HTATIP2: variants seen among roughly 807,000 people sequenced by gnomAD.
HTATIP2 encodes the protein HIV-1 Tat interactive protein 2.
HTATIP2 carries 26 observed loss-of-function variants against 24.7 expected under a neutral mutation model. The observed-to-expected ratio is 1.05, with a 90% CI of 0.77 to 1.46. HTATIP2 has a LOEUF of 1.46. Among genes scored for constraint, HTATIP2 ranks in the 40% most tolerant of loss-of-function variants. The probability of loss-of-function intolerance (pLI) is 0.00; values close to 1 mark genes in which losing one functional copy is unlikely to be tolerated. For missense variants in HTATIP2, 284 were observed against 289.6 expected, an observed-to-expected ratio of 0.98 and a Z score of 0.14; for synonymous variants, 99 against 113.2, an observed-to-expected ratio of 0.87 and a Z score of 0.79.
In HTATIP2 at chr11:20,383,633, T is replaced by G. The variant is rs1452027373; in HGVS notation, c.*428T>G. On this transcript the variant is annotated 3_prime_UTR_variant, in exon 5 of 5. Transcript: ENST00000451739. ...CTAAAATTGTTGACATTCATGTCTC[T>G]GAGTTACAAAAGTGCTAATTCACTA... 1 of 168,150 alleles carries G rather than the reference T, an allele frequency of 5.9e-6. No homozygotes were observed. The highest frequency in any genetic ancestry group is 2.4e-5 in the African/African-American group (1 of 41,714). The allele number at this position is 168,150 out of a possible 1,614,324, so 10.4% of individuals were successfully genotyped here.
chr11:20,378,043 G>A (rs56194144), intron 3 of HTATIP2, among the ~76,000 whole-genome samples: 11,166 of 152,178 alleles, frequency 0.073, 564 homozygotes, highest in Middle Eastern at 0.15. Flanking sequence ...CGAACACTAT[G>A]TTTTTTTAAA....
chr11:20,367,456 G>A (rs1388162480), intron 2 of HTATIP2, 175 bp downstream of exon 2: 37 of 1,476,226 alleles, frequency 2.5e-5, no homozygotes, highest in South Asian at 1.1e-4. Context: ...GTACTGATAA[G>A]TTCGTCTTTC....
chr11:20,369,944 A>C (rs1381793428), intron 2 of HTATIP2, among the ~76,000 whole-genome samples: 2 of 152,192 alleles, frequency 1.3e-5, no homozygotes, highest in Non-Finnish European at 2.9e-5. Context: ...TATTTCCTTT[A>C]ACAGTAGCTG....
At chr11:20,380,211 A>C (rs1848497741) in intron 3 of HTATIP2, among the ~76,000 whole-genome samples, 1 of 152,232 alleles carries the variant, frequency 6.6e-6, no homozygotes, top group African/African-American at 2.4e-5. Flanking sequence ...GGCATAGTAC[A>C]TGACCCTTAT....
chr11:20,366,484 T>C (rs951070173), intron 1 of HTATIP2, among the ~76,000 whole-genome samples: 4 of 152,162 alleles, frequency 2.6e-5, no homozygotes, highest in African/African-American at 9.6e-5. Flanking sequence ...AGTTCTTGGA[T>C]GATAGGAATT....
Position 20,364,103 on chromosome 11 carries a change from C to G in HTATIP2, c.-135C>G. On this transcript the variant is annotated 5_prime_UTR_variant, in exon 1 of 5. Transcript: ENST00000451739. ...GAGCCGCGCCCCGCACGTGACTCAG[C>G]ACTTTCCCCAGAGCCCGGACTGCGG... 2 of 1,428,074 alleles carry G rather than the reference C, an allele frequency of 1.4e-6. No individual in the cohort carries two copies. 88.5% of individuals were successfully genotyped at this position (1,428,074 alleles called of 1,614,324 possible).
Position 20,376,803 on chromosome 11 carries a change from A to G in HTATIP2, c.441+86A>G, listed in dbSNP as rs1157597715. The stretch of plus-strand genomic sequence containing the variant: ...AAGAATATAAAATATTATATAATAC[A>G]AAAACCATCAAATGCATCATATTAT... On this transcript the variant is annotated intron_variant, in intron 3 of 4. Coordinates refer to ENST00000451739, the MANE Select transcript of HTATIP2 (RefSeq NM_001098522.2). 6 of 986,054 alleles carry G rather than the reference A, an allele frequency of 6.1e-6. No homozygotes were observed. The East Asian group carries it at 1.7e-4, about 27-fold the overall frequency. 61.1% of individuals were successfully genotyped at this position (986,054 alleles called of 1,614,324 possible). A position where few individuals can be genotyped will look rare whatever the true frequency, so the allele number is the denominator to read the frequency against.
intron 2 of HTATIP2, among the ~76,000 whole-genome samples, chr11:20,375,648 G>A (rs1848433174): frequency 6.6e-6 from 1 of 152,148 alleles, no homozygotes; most frequent in Non-Finnish European, 1.5e-5. Flanking sequence ...CTGTAATTGT[G>A]ACTACCTATA....
At position 20,364,179 on chromosome 11, in the gene HTATIP2, A is replaced by G. The variant is rs548276280; in HGVS notation, c.-59A>G. 1.5e-5 allele frequency: 23 copies of G among 1,525,310 alleles called. No homozygotes were observed. In the South Asian group the frequency reaches 2.6e-4, roughly 17 times the overall value. The allele number at this position is 1,525,310 out of a possible 1,614,324, so 94.5% of individuals were successfully genotyped here. The stretch of plus-strand genomic sequence containing the variant: ...ATAAACAGCCCTTGTTCCTCGGGAT[A>G]AGGACTGGCAGTCCCCTGACACCCT... On this transcript the variant is annotated 5_prime_UTR_variant, in exon 1 of 5. It adds an upstream start codon to the 5' untranslated region. Coordinates refer to ENST00000451739, the MANE Select transcript of HTATIP2 (RefSeq NM_001098522.2).
chr11:20,372,718 A>G (rs1427599707), intron 2 of HTATIP2, among the ~76,000 whole-genome samples: 1 of 152,236 alleles, frequency 6.6e-6, no homozygotes, highest in East Asian at 1.9e-4. Context: ...TTTCTGAGAT[A>G]TGAAATAGCT....
chr11:20,376,637 G>C lies in HTATIP2; in HGVS notation c.361G>C (p.Ala121Pro), dbSNP rs181081777. The change falls in exon 3 of 5, where the codon GCT becomes CCT. Residue 121 changes from alanine (A) to proline (P), a missense_variant. By Grantham distance (27) the Ala-to-Pro change is conservative (BLOSUM62 -1). Coordinates refer to ENST00000451739, the MANE Select transcript of HTATIP2 (RefSeq NM_001098522.2). The stretch of plus-strand genomic sequence containing the variant: ...GCTGAAGTCTGCAGAGCTGGCAAAA[G>C]CTGGAGGGTGCAAACATTTCAACTT... ...YVLKSAELAKAGGCKHFNLLS... is the reference protein window; with the variant it reads ...YVLKSAELAKPGGCKHFNLLS... 18 of 1,614,084 alleles carry C rather than the reference G, an allele frequency of 1.1e-5. No individual in the cohort carries two copies. In the Admixed American group the frequency reaches 3.0e-4, roughly 27 times the overall value.
chr11:20,375,811 T>A (rs1194475719), intron 2 of HTATIP2, among the ~76,000 whole-genome samples: 7 of 152,234 alleles, frequency 4.6e-5, no homozygotes, highest in African/African-American at 1.7e-4. Context: ...GAAGTGAGTC[T>A]ATATTCTGTT....
chr11:20,371,854 C>G (rs2064775920), intron 2 of HTATIP2, among the ~76,000 whole-genome samples: 1 of 152,138 alleles, frequency 6.6e-6, no homozygotes, highest in African/African-American at 2.4e-5. Context: ...ATTTATCTAT[C>G]CAGAACTTCT....
chr11:20,371,658 T>TG (rs1208629979), intron 2 of HTATIP2, among the ~76,000 whole-genome samples: 14 of 152,048 alleles, frequency 9.2e-5, no homozygotes, highest in African/African-American at 3.1e-4. Flanking sequence ...AGGCTGGTCT[T>TG]GAACTCCTGG....
intron 1 of HTATIP2, among the ~76,000 whole-genome samples, chr11:20,366,424 A>C (rs1013222009): frequency 2.6e-5 from 4 of 152,158 alleles, no homozygotes; most frequent in Non-Finnish European, 5.9e-5. Context: ...CAGTGCCAGA[A>C]AAATTCTTTT....
rs1592323717 is a variant in HTATIP2, at chr11:20,383,300, G to A, written c.*95G>A. 1.1e-6 allele frequency: 1 copy of A among 889,994 alleles called. No homozygotes were observed. The highest frequency in any genetic ancestry group is 1.7e-6 in the Non-Finnish European group (1 of 579,920). The allele number at this position is 889,994 out of a possible 1,614,324, so 55.1% of individuals were successfully genotyped here. On this transcript the variant is annotated 3_prime_UTR_variant, in exon 5 of 5. Coordinates refer to ENST00000451739, the MANE Select transcript of HTATIP2 (RefSeq NM_001098522.2). Reference sequence around the variant, plus strand: ...AAAAAAGTCAGCATGTTTTAACTTTGTTGTTTTACTATCCTCAGGCATCCA... The same window carrying A: ...AAAAAAGTCAGCATGTTTTAACTTTATTGTTTTACTATCCTCAGGCATCCA...
chr11:20,371,726 G>A (rs897661512), intron 2 of HTATIP2, among the ~76,000 whole-genome samples: 2 of 152,018 alleles, frequency 1.3e-5, no homozygotes, highest in African/African-American at 4.8e-5. Flanking sequence ...ATGAGCCATC[G>A]CACCCGGCCT....
At position 20,367,213 on chromosome 11, in the gene HTATIP2, G is replaced by A. The variant is rs748188484; in HGVS notation, c.235G>A (p.Ala79Thr). 1.2e-6 allele frequency: 2 copies of A among 1,613,916 alleles called. No homozygotes were observed. The highest frequency in any genetic ancestry group is 2.2e-5 in the East Asian group (1 of 44,898). ...GGACTTTGAAAAGTTGGATGACTAC[G>A]CCTCTGCCTTTCAAGGTCATGATGT... ...VVDFEKLDDYASAFQGHDVGF... is the reference protein window; with the variant it reads ...VVDFEKLDDYTSAFQGHDVGF... Residue 79 changes from alanine (A) to threonine (T), a missense_variant, in exon 2 of 5, where the codon GCC becomes ACC. Coordinates refer to ENST00000451739, the MANE Select transcript of HTATIP2 (RefSeq NM_001098522.2).
intron 3 of HTATIP2, among the ~76,000 whole-genome samples, chr11:20,377,899 A>C (rs768806298): frequency 6.6e-6 from 1 of 152,228 alleles, no homozygotes; most frequent in Non-Finnish European, 1.5e-5. Flanking sequence ...TTTCCCAGGC[A>C]TAACACCTTT....
Sources: gnomAD v4.1 joint callset for allele counts (sites outside exome capture counted in the v4.1 genomes callset) on GRCh38, gnomAD v4.1.1 for gene constraint, MANE v1.5 for transcripts, NCBI Gene and HGNC (gene_info 2026-07-23, HGNC 2026-07-21) for gene names.